Variants in LRP1B observed in about 807,000 individuals in gnomAD.
The protein encoded by LRP1B is LDL receptor related protein 1B.
In LRP1B, 217 loss-of-function variants were observed where a neutral mutation model predicts 556.6. The ratio of observed to expected loss-of-function variants is 0.39; its 90% confidence interval spans 0.35 to 0.44. The LOEUF is 0.44. Ranked by LOEUF, LRP1B falls within the 20% of genes least tolerant of loss-of-function variation. The pLI is 1.00. For synonymous variants in LRP1B, 2,047 were observed against 1,865.8 expected, an observed-to-expected ratio of 1.10 and a Z score of -2.50; for missense variants, 5,053 against 5,620.8, an observed-to-expected ratio of 0.90 and a Z score of 3.23.
chr2:140,535,462 A>G (rs937722998), intron 46 of LRP1B, among the ~76,000 whole-genome samples: 11 of 152,146 alleles, frequency 7.2e-5, no homozygotes, highest in Non-Finnish European at 1.3e-4. Flanking sequence ...TTGTCTTGTA[A>G]CGTAAAAGAG....
chr2:141,917,042 A>T (rs6429936), intron 1 of LRP1B, among the ~76,000 whole-genome samples: 131,195 of 152,164 alleles, frequency 0.86, 56,713 homozygotes, highest in East Asian at 1. Flanking sequence ...TTGCCTTTCC[A>T]AATATGAACA....
intron 2 of LRP1B, among the ~76,000 whole-genome samples, chr2:141,505,716 T>C (rs977435603): frequency 2.6e-5 from 4 of 151,990 alleles, no homozygotes; most frequent in Non-Finnish European, 5.9e-5. Flanking sequence ...AATAATATAG[T>C]TTGTATTTGT....
At chr2:140,617,587 G>A (rs1559008845) in intron 41 of LRP1B, among the ~76,000 whole-genome samples, 1 of 151,668 alleles carries the variant, frequency 6.6e-6, no homozygotes, top group South Asian at 2.1e-4. Flanking sequence ...AGTTATATAA[G>A]GGAAAATAAA....
rs1700855676 is a variant in LRP1B at position 141,115,130 on chromosome 2, T to C, written c.1014-52857A>G. ...GTATGGTCATAGTGGATAATGTTCT[T>C]TGGTCTTTATATTCTTTTTCTGAAA... On this transcript the variant is annotated intron_variant, in intron 7 of 90. Coordinates refer to ENST00000389484, the MANE Select transcript of LRP1B (RefSeq NM_018557.3). Among the ~76,000 whole-genome samples, 5 of 143,564 alleles carry C rather than the reference T, an allele frequency of 3.5e-5. No homozygotes were observed. The South Asian group carries it at 1.2e-3, about 34-fold the overall frequency. The allele number at this position is 143,564 out of a possible 152,430, so 94.2% of individuals were successfully genotyped here. A position where few individuals can be genotyped will look rare whatever the true frequency, so the allele number is the denominator to read the frequency against.
rs1680150705 is a variant in LRP1B, at chr2:140,541,910, A to G, written c.7256T>C (p.Phe2419Ser). The G allele has an allele frequency of 1.2e-6, 2 of 1,612,378 alleles. No homozygotes were observed. The highest frequency in any genetic ancestry group is 1.7e-6 in the Non-Finnish European group (2 of 1,178,996). Residue 2419 changes from phenylalanine to serine, a missense_variant, in exon 44 of 91, where the codon TTC becomes TCC. Coordinates refer to ENST00000389484, the MANE Select transcript of LRP1B (RefSeq NM_018557.3). ...LSLAVYDNYI[F>S]WSDWGRRAIL... The stretch of plus-strand genomic sequence containing the variant: ...AGCTCTTCTTCCCCAGTCCGACCAG[A>G]ATATATAATTGTCATAAACAGCCAA...
chr2:141,393,053 T>C (rs1404326725), intron 3 of LRP1B, among the ~76,000 whole-genome samples: 4 of 152,154 alleles, frequency 2.6e-5, no homozygotes, highest in Admixed American at 2.6e-4. Flanking sequence ...TCCAGCATAG[T>C]ACCTTTCAAG....
intron 43 of LRP1B, among the ~76,000 whole-genome samples, chr2:140,553,088 T>C (rs922867855): frequency 1.2e-3 from 180 of 152,132 alleles, no homozygotes; most frequent in African/African-American, 4.2e-3. Context: ...CTGGGAGGCT[T>C]CCCAAACTCC....
chr2:140,335,820 G>A lies in LRP1B; in HGVS notation c.11911C>T (p.Pro3971Ser). 1 of 1,610,976 alleles carries A rather than the reference G, an allele frequency of 6.2e-7. No individual in the cohort carries two copies. Among genetic ancestry groups the A allele is most frequent in the Non-Finnish European group, 8.5e-7 (1 of 1,178,238 alleles). Residue 3971 changes from proline to serine, a missense_variant, in exon 78 of 91, where the codon CCC becomes TCC. Physicochemically the swap from Pro to Ser is moderately conservative, Grantham distance 74. Coordinates refer to ENST00000389484, the MANE Select transcript of LRP1B (RefSeq NM_018557.3). ...ACCCAGTCAACTGCAATGTCCCTGG[G>A]CCTTTTAAATTCAGGACACTACAAG... is the stretch of plus-strand genomic sequence containing the variant. ...SGLICPEFKR[P>S]RDIAVDWVAG...
At chr2:141,826,619 A>G (rs1319126323) in intron 1 of LRP1B, among the ~76,000 whole-genome samples, 1 of 152,124 alleles carries the variant, frequency 6.6e-6, no homozygotes, top group Non-Finnish European at 1.5e-5. Context: ...TCAGCCTCCC[A>G]AAGTGCTGGG....
chr2:141,089,483 G>C (rs1042223066), intron 7 of LRP1B, among the ~76,000 whole-genome samples: 7 of 152,274 alleles, frequency 4.6e-5, no homozygotes, highest in Non-Finnish European at 7.4e-5. Flanking sequence ...ACATAAAGCT[G>C]TTCATGTAAA....
rs185601430 is a variant in LRP1B, at chr2:141,124,918, T to G, written c.1014-62645A>C. ...AAGATTACAGAGTCAGCCGTGTCTG[T>G]TTTCTGGACCACTAACCTTCCACCT... On this transcript the variant is annotated intron_variant, in intron 7 of 90. Transcript: ENST00000389484. Among the ~76,000 whole-genome samples the G allele has an allele frequency of 3.0e-3, 456 of 152,254 alleles. 3 individuals are homozygous for G. Among genetic ancestry groups the G allele is most frequent in the African/African-American group, 0.01 (418 of 41,574 alleles).
intron 57 of LRP1B, among the ~76,000 whole-genome samples, chr2:140,489,575 C>A (rs1221876664): frequency 2.0e-5 from 3 of 152,038 alleles, no homozygotes; most frequent in Admixed American, 6.6e-5. Context: ...AGTCAAAGTT[C>A]TAAAATATAA....
At chr2:141,960,973 A>T (rs1701387476) in intron 1 of LRP1B, among the ~76,000 whole-genome samples, 1 of 151,792 alleles carries the variant, frequency 6.6e-6, no homozygotes, top group Non-Finnish European at 1.5e-5. Flanking sequence ...TATTAAATTT[A>T]AACTCAAATT....
intron 43 of LRP1B, among the ~76,000 whole-genome samples, chr2:140,580,480 T>C (rs1046186617): frequency 6.6e-5 from 10 of 152,198 alleles, no homozygotes; most frequent in African/African-American, 2.4e-4. Context: ...CACCTCAGTA[T>C]AAATCTTAAG....
chr2:141,364,206 T>A (rs755673690), intron 3 of LRP1B, among the ~76,000 whole-genome samples: 4 of 152,010 alleles, frequency 2.6e-5, no homozygotes, highest in Non-Finnish European at 4.4e-5. Context: ...TACTCACTTT[T>A]GTAAAGAACT....
chr2:142,076,129 T>C (rs1705492250), intron 1 of LRP1B, among the ~76,000 whole-genome samples: 1 of 152,112 alleles, frequency 6.6e-6, no homozygotes, highest in African/African-American at 2.4e-5. Context: ...TGTTAAAAAA[T>C]GTTTTATGAC....
chr2:140,641,764 C>A (rs1684304907), intron 41 of LRP1B, among the ~76,000 whole-genome samples: 1 of 151,926 alleles, frequency 6.6e-6, no homozygotes, highest in South Asian at 2.1e-4. Flanking sequence ...ATGCATATGA[C>A]CATATAGAGA....
chr2:141,409,827 G>A (rs894037924), intron 3 of LRP1B, among the ~76,000 whole-genome samples: 2 of 152,072 alleles, frequency 1.3e-5, no homozygotes, highest in African/African-American at 4.8e-5. Context: ...TGTATCTGAG[G>A]AGGTGATATT....
chr2:140,734,323 C>T (rs1229574548), intron 35 of LRP1B, among the ~76,000 whole-genome samples: 1 of 152,114 alleles, frequency 6.6e-6, no homozygotes, highest in Non-Finnish European at 1.5e-5. Context: ...AATTTGGGGA[C>T]TAGACTTGGA....
Sources: gnomAD v4.1 joint callset for allele counts (sites outside exome capture counted in the v4.1 genomes callset) on GRCh38, gnomAD v4.1.1 for gene constraint, MANE v1.5 for transcripts, NCBI Gene and HGNC (gene_info 2026-07-23, HGNC 2026-07-21) for gene names.